Variants in BRAF observed in about 807,000 individuals in gnomAD.
BRAF encodes serine/threonine-protein kinase B-raf.
A neutral mutation model predicts 104.6 loss-of-function variants in BRAF; 16 were observed. That is an observed-to-expected ratio of 0.15 (90% CI 0.10 to 0.23). The LOEUF is 0.23. Ranked by LOEUF, BRAF falls within the 10% of genes least tolerant of loss-of-function variation. The probability of loss-of-function intolerance (pLI) is 1.00; values close to 1 mark genes in which losing one functional copy is unlikely to be tolerated. For missense variants in BRAF, 541 were observed against 937.3 expected, an observed-to-expected ratio of 0.58 and a Z score of 5.52; for synonymous variants, 310 against 341.6, an observed-to-expected ratio of 0.91 and a Z score of 1.02.
At chr7:140,793,887 A>C (rs1394727960) in intron 8 of BRAF, among the ~76,000 whole-genome samples, 1 of 152,136 alleles carries the variant, frequency 6.6e-6, no homozygotes, top group Non-Finnish European at 1.5e-5. Flanking sequence ...TGGCCTCCCA[A>C]AGTGTTGGGA....
chr7:140,715,796 A>G (rs1795117812), downstream of BRAF, among the ~76,000 whole-genome samples: 1 of 152,248 alleles, frequency 6.6e-6, no homozygotes, highest in African/African-American at 2.4e-5. Context: ...GGAAATAATA[A>G]TGAAAACTTA....
chr7:140,739,640 T>C (rs1796743233), intron 18 of BRAF, among the ~76,000 whole-genome samples, 172 bp downstream of exon 17: 1 of 152,148 alleles, frequency 6.6e-6, no homozygotes, highest in African/African-American at 2.4e-5. Context: ...CCAAAATTTC[T>C]AGGTGTGCCA....
chr7:140,767,849 T>C (rs1195150168), intron 14 of BRAF, among the ~76,000 whole-genome samples: 2 of 152,174 alleles, frequency 1.3e-5, no homozygotes, highest in African/African-American at 2.4e-5. Flanking sequence ...CACAGGGTTG[T>C]TGAGGAGTAA....
rs1332477146 is a variant in BRAF, at chr7:140,777,975, A to G, written c.1637+16T>C. ...TAACTTCTTTCTCTGGAAAAGAGTA[A>G]TTCACACAAGCTCACCTGAGTACTC... is the stretch of plus-strand genomic sequence containing the variant. On this transcript the variant is annotated intron_variant, in intron 13 of 19. Transcript: ENST00000644969. 6.2e-7 allele frequency: 1 copy of G among 1,612,022 alleles called. No homozygotes were observed. Among genetic ancestry groups the G allele is most frequent in the African/African-American group, 1.3e-5 (1 of 74,846 alleles).
In BRAF at chr7:140,924,857, G is replaced by T. The variant is rs1214267881; in HGVS notation, c.-154C>A. The T allele has an allele frequency of 3.7e-6, 1 of 269,152 alleles. No individual in the cohort carries two copies. Among genetic ancestry groups the T allele is most frequent in the Admixed American group, 5.5e-5 (1 of 18,130 alleles). The allele number at this position is 269,152 out of a possible 1,614,324, so 16.7% of individuals were successfully genotyped here. A position where few individuals can be genotyped will look rare whatever the true frequency, so the allele number is the denominator to read the frequency against. Reference sequence around the variant, plus strand: ...AGCGGCCCGGGCGGCGCCGCGGGCGGAGGGCGCCTGGGCCACCTCAGGTAC... The same window carrying T: ...AGCGGCCCGGGCGGCGCCGCGGGCGTAGGGCGCCTGGGCCACCTCAGGTAC... On this transcript the variant is annotated 5_prime_UTR_variant, in exon 1 of 20. Coordinates refer to ENST00000644969, the MANE Select transcript of BRAF (RefSeq NM_001374258.1). The surrounding 1 kb of genome is among the most constrained non-coding windows in gnomAD (Gnocchi z 4.2).
chr7:140,762,750 T>C (rs1158702346), intron 14 of BRAF, among the ~76,000 whole-genome samples: 5 of 152,112 alleles, frequency 3.3e-5, no homozygotes, highest in African/African-American at 9.7e-5. Flanking sequence ...CAGAGGACCC[T>C]GCGGCCTTCC....
At chr7:140,764,877 G>A (rs1222242491) in intron 14 of BRAF, among the ~76,000 whole-genome samples, 2 of 152,160 alleles carry the variant, frequency 1.3e-5, no homozygotes, top group Non-Finnish European at 2.9e-5. Context: ...TATTGCCCAA[G>A]GTAATTTACA....
chr7:140,843,980 G>A (rs1354385725), intron 2 of BRAF, among the ~76,000 whole-genome samples: 4 of 152,100 alleles, frequency 2.6e-5, no homozygotes, highest in South Asian at 2.1e-4. Flanking sequence ...CTGCACTCCC[G>A]CCTGGGTGAC....
intron 17 of BRAF, among the ~76,000 whole-genome samples, chr7:140,747,862 A>C (rs1797478183): frequency 6.6e-6 from 1 of 152,140 alleles, no homozygotes; most frequent in Non-Finnish European, 1.5e-5. Context: ...CAATGTTTCA[A>C]TTATGTTCTT....
At chr7:140,781,762 G>T in intron 11 of BRAF, 69 bp from the exon 11 acceptor site, 1 of 1,247,978 alleles carries the variant, frequency 8.0e-7, no homozygotes, top group Non-Finnish European at 1.2e-6. Context: ...TTCACCCTAA[G>T]TACATTACCT....
chr7:140,858,276 T>C (rs1041315302), intron 1 of BRAF, among the ~76,000 whole-genome samples: 2 of 152,186 alleles, frequency 1.3e-5, no homozygotes, highest in African/African-American at 2.4e-5. Flanking sequence ...CCATGAAGTA[T>C]ACATGCAAAA....
chr7:140,905,742 G>A (rs1218046359), intron 1 of BRAF, among the ~76,000 whole-genome samples: 1 of 152,056 alleles, frequency 6.6e-6, no homozygotes, highest in Non-Finnish European at 1.5e-5. Flanking sequence ...GTTATCTTCT[G>A]TTGGTTGAGA....
intron 6 of BRAF, 74 bp from the exon 7 acceptor site, chr7:140,800,555 CA>C: frequency 6.2e-7 from 1 of 1,603,852 alleles, no homozygotes; most frequent in Non-Finnish European, 8.5e-7. Context: ...CATAGTTAAC[CA>C]AAAAAACTGA....
chr7:140,867,380 A>G (rs1282683219), intron 1 of BRAF, among the ~76,000 whole-genome samples: 1 of 152,224 alleles, frequency 6.6e-6, no homozygotes, highest in East Asian at 1.9e-4. Context: ...GATAATTCCA[A>G]TTTAGGTAAA....
chr7:140,783,182 A>G, intron 10 of BRAF, 25 bp from the exon 10 acceptor site: 1 of 1,613,282 alleles, frequency 6.2e-7, no homozygotes. Context: ...AGAAAAATGT[A>G]TACATTAAGG....
At chr7:140,816,488 T>A (rs1436198425) in intron 3 of BRAF, among the ~76,000 whole-genome samples, 1 of 152,202 alleles carries the variant, frequency 6.6e-6, no homozygotes, top group Non-Finnish European at 1.5e-5. Context: ...TTTTCCTTAA[T>A]CTTTCCATTC....
rs375150530 is a variant in BRAF at position 140,834,885 on chromosome 7, G to A, written c.241-13C>T. ...ATTCTTCATAGGCCTATAAAATAAA[G>A]CAGACTTATATTCAATCCGGACTTT... On this transcript the variant is annotated splice_polypyrimidine_tract_variant and intron_variant, in intron 2 of 19. Transcript: ENST00000644969. 5.0e-6 allele frequency: 8 copies of A among 1,613,714 alleles called. No homozygotes were observed. In the East Asian group the frequency reaches 6.7e-5, roughly 13 times the overall value.
rs1795542110 is a variant in BRAF at position 140,725,365 on chromosome 7, A to G, written c.*1129T>C. The G allele has an allele frequency of 1.0e-6, 1 of 984,124 alleles. No homozygotes were observed. Among genetic ancestry groups the G allele is most frequent in the East Asian group, 6.0e-5 (1 of 16,760 alleles). The allele number at this position is 984,124 out of a possible 1,614,324, so 61.0% of individuals were successfully genotyped here. On this transcript the variant is annotated 3_prime_UTR_variant, in exon 20 of 20. Transcript: ENST00000644969. Reference sequence around the variant, plus strand: ...AGAGAAAAGGATAATGATCTTTCTTAAAAGTTGTTTATATAACAAAAATAC... The same window carrying G: ...AGAGAAAAGGATAATGATCTTTCTTGAAAGTTGTTTATATAACAAAAATAC...
At chr7:140,873,116 C>T (rs953520292) in intron 1 of BRAF, among the ~76,000 whole-genome samples, 16 of 150,656 alleles carry the variant, frequency 1.1e-4, no homozygotes, top group Non-Finnish European at 1.5e-4. Flanking sequence ...TTTCAGTGCT[C>T]TGGACTTCAG....
Sources: gnomAD v4.1 joint callset for allele counts (sites outside exome capture counted in the v4.1 genomes callset) on GRCh38, gnomAD v4.1.1 for gene constraint, Gnocchi (gnomAD v3.1) non-coding constraint, MANE v1.5 for transcripts, NCBI Gene and HGNC (gene_info 2026-07-23, HGNC 2026-07-21) for gene names.